OTOGL: variants seen among roughly 807,000 people sequenced by gnomAD.
The protein encoded by OTOGL is otogelin-like protein.
A neutral mutation model predicts 318.5 loss-of-function variants in OTOGL; 285 were observed. The ratio of observed to expected loss-of-function variants is 0.89; its 90% CI spans 0.81 to 0.99. OTOGL has a LOEUF of 0.99. Ranked by LOEUF, OTOGL falls within the 50% of genes least tolerant of loss-of-function variation. The pLI is 0.00. For missense variants in OTOGL, 2,899 were observed against 2,845.6 expected, an observed-to-expected ratio of 1.02 and a Z score of -0.43; for synonymous variants, 987 against 936.5, an observed-to-expected ratio of 1.05 and a Z score of -0.99.
intron 28 of OTOGL, 130 bp downstream of exon 28, chr12:80,302,913 T>C: frequency 1.1e-6 from 1 of 889,530 alleles, no homozygotes; most frequent in Non-Finnish European, 1.5e-6. Context: ...TACTAACTCA[T>C]ACCCTTGTGA....
chr12:80,100,823 C>T (rs1317048980), intron 1 of OTOGL, among the ~76,000 whole-genome samples: 1 of 152,160 alleles, frequency 6.6e-6, no homozygotes, highest in Non-Finnish European at 1.5e-5. Context: ...TCCTTTCCTA[C>T]TTTTGTTTTT....
chr12:80,142,655 A>G (rs896403924), intron 1 of OTOGL, among the ~76,000 whole-genome samples: 3 of 152,224 alleles, frequency 2.0e-5, no homozygotes, highest in Admixed American at 1.3e-4. Flanking sequence ...GCCAACTCTC[A>G]TTCATTTGAC....
In OTOGL at chr12:80,198,805, A is replaced by G. The variant is rs532121986; in HGVS notation, c.-19-10608A>G. Among the ~76,000 whole-genome samples, 9 of 152,086 alleles carry G rather than the reference A, an allele frequency of 5.9e-5. No homozygotes were observed. The South Asian group carries it at 1.2e-3, about 21-fold the overall frequency. On this transcript the variant is annotated intron_variant, in intron 1 of 58. Coordinates refer to ENST00000547103, the MANE Select transcript of OTOGL (RefSeq NM_001378609.3). ...GCCTGATTAACTAGCAAATTCTATT[A>G]CTCTGTTTCTGAAATCTGTTTTGAA...
intron 34 of OTOGL, among the ~76,000 whole-genome samples, chr12:80,322,429 A>C (rs921253439): frequency 6.6e-6 from 1 of 152,142 alleles, no homozygotes; most frequent in Non-Finnish European, 1.5e-5. Context: ...AAACCTAGGA[A>C]ACTCCAGGAG....
intron 1 of OTOGL, among the ~76,000 whole-genome samples, chr12:80,158,917 C>T (rs1592505179): frequency 6.6e-6 from 1 of 152,144 alleles, no homozygotes; most frequent in East Asian, 1.9e-4. Context: ...TTTCAGTTCT[C>T]AGAGGGAATG....
intron 1 of OTOGL, among the ~76,000 whole-genome samples, chr12:80,124,858 A>T (rs1870715219): frequency 6.6e-6 from 1 of 152,130 alleles, no homozygotes. Context: ...TTGGTGTATA[A>T]GAATGCTTGT....
intron 34 of OTOGL, 85 bp downstream of exon 34, chr12:80,320,785 T>C (rs1592704584): frequency 7.5e-7 from 1 of 1,333,952 alleles, no homozygotes; most frequent in Admixed American, 2.8e-5. Context: ...TAAAAACCAT[T>C]CTTACTGCAT....
chr12:80,228,006 A>G (rs992944860), intron 7 of OTOGL, among the ~76,000 whole-genome samples: 39 of 152,288 alleles, frequency 2.6e-4, no homozygotes, highest in African/African-American at 9.4e-4. Context: ...TACAAGTTTC[A>G]TGAGGGCAGA....
At chr12:80,105,128 T>C (rs1869381311) in intron 1 of OTOGL, among the ~76,000 whole-genome samples, 1 of 151,756 alleles carries the variant, frequency 6.6e-6, no homozygotes, top group South Asian at 2.1e-4. Context: ...CGAACAAAAC[T>C]GAAATTAAGA....
At chr12:80,203,016 G>A (rs903891070) in intron 1 of OTOGL, among the ~76,000 whole-genome samples, 1 of 152,138 alleles carries the variant, frequency 6.6e-6, no homozygotes, top group Non-Finnish European at 1.5e-5. Flanking sequence ...CTGAGAATGA[G>A]AATTAGATAA....
intron 7 of OTOGL, among the ~76,000 whole-genome samples, chr12:80,228,291 A>G (rs1383243139): frequency 5.9e-5 from 9 of 151,948 alleles, no homozygotes; most frequent in Admixed American, 5.9e-4. Flanking sequence ...AAAAATAGAA[A>G]AATTAGCCGG....
At chr12:80,163,104 ATTCCAGGAGAGTT>A (rs1462264700) in intron 1 of OTOGL, among the ~76,000 whole-genome samples, 2 of 152,156 alleles carry the variant, frequency 1.3e-5, no homozygotes, top group African/African-American at 2.4e-5. Flanking sequence ...TTTAAAAAAA[ATTCCAGGAGAGTT>A]TTTATTTTAT....
chr12:80,178,061 C>CTTTTTTTTTTTTTTTTTTTTTTTTT (rs71094968), intron 1 of OTOGL, among the ~76,000 whole-genome samples: 17 of 74,950 alleles, frequency 2.3e-4, no homozygotes, highest in Non-Finnish European at 3.6e-4. Flanking sequence ...TTCTTTCTTT[C>CTTTTTTTTTTTTTTTTTTTTTTTTT]TTTTTTTTTT....
Position 80,255,020 on chromosome 12 carries a change from T to C in OTOGL, c.1442-20T>C. On this transcript the variant is annotated intron_variant, in intron 15 of 58. Coordinates refer to ENST00000547103, the MANE Select transcript of OTOGL (RefSeq NM_001378609.3). ...TCCACCTCCTTTTCTTTTTCTTTGTTTTCTTTTTTTTTTTGGCAGTTCAAT... is the reference window on the plus strand; with the variant it reads ...TCCACCTCCTTTTCTTTTTCTTTGTCTTCTTTTTTTTTTTGGCAGTTCAAT... 7.0e-7 allele frequency: 1 copy of C among 1,435,000 alleles called. No homozygotes were observed. Among genetic ancestry groups the C allele is most frequent in the Non-Finnish European group, 9.1e-7 (1 of 1,097,368 alleles). 88.9% of individuals were successfully genotyped at this position (1,435,000 alleles called of 1,614,324 possible).
chr12:80,145,530 T>G (rs1301479854), intron 1 of OTOGL, among the ~76,000 whole-genome samples: 1 of 151,894 alleles, frequency 6.6e-6, no homozygotes, highest in Non-Finnish European at 1.5e-5. Context: ...AGGATTGACT[T>G]GGCGATGCGG....
rs1224362804 is a variant in OTOGL at position 80,320,492 on chromosome 12, T to A, written c.3873T>A (p.Thr1291=). 1.4e-5 allele frequency: 22 copies of A among 1,613,546 alleles called. No homozygotes were observed. Among genetic ancestry groups the A allele is most frequent in the Non-Finnish European group, 1.9e-5 (22 of 1,179,708 alleles). Residue 1291 remains threonine, a synonymous_variant, in exon 34 of 59, where the codon ACT becomes ACA. Transcript: ENST00000547103. ...NYFLYVHDND[T]LSLELWEANS... ...TTCTCTATGTCCATGACAATGATAC[T>A]CTTAGCTTGGAGCTGTGGGAGGCGA...
At chr12:80,144,717 G>T (rs991343156) in intron 1 of OTOGL, among the ~76,000 whole-genome samples, 3 of 152,048 alleles carry the variant, frequency 2.0e-5, no homozygotes, top group Non-Finnish European at 2.9e-5. Flanking sequence ...TCCAGCACCT[G>T]TTGTTTCCTG....
intron 29 of OTOGL, among the ~76,000 whole-genome samples, chr12:80,307,812 C>T (rs867436448): frequency 4.5e-5 from 6 of 132,974 alleles, no homozygotes; most frequent in Middle Eastern, 5.4e-3. Flanking sequence ...CCAGTAGGGG[C>T]GGCCGGGCAG....
At chr12:80,146,999 A>T (rs1463544024) in intron 1 of OTOGL, among the ~76,000 whole-genome samples, 8 of 152,008 alleles carry the variant, frequency 5.3e-5, no homozygotes, top group Non-Finnish European at 1.0e-4. Flanking sequence ...TCCTTTCAAA[A>T]AACCAGCTCC....
Sources: gnomAD v4.1 joint callset for allele counts (sites outside exome capture counted in the v4.1 genomes callset) on GRCh38, gnomAD v4.1.1 for gene constraint, MANE v1.5 for transcripts, NCBI Gene and HGNC (gene_info 2026-07-23, HGNC 2026-07-21) for gene names.